The following RP1 variants were observed in gnomAD, a reference collection of about 807,000 sequenced individuals.
RP1 encodes the protein oxygen-regulated protein 1.
In RP1, 16 loss-of-function variants were observed where a neutral mutation model predicts 14.8. The observed-to-expected ratio is 1.08, with a 90% CI of 0.73 to 1.65. RP1 has a LOEUF of 1.65. Ranked by LOEUF, RP1 falls within the 40% of genes most tolerant of loss-of-function variation. The pLI is 0.00. For synonymous variants in RP1, 876 were observed against 883.6 expected (o/e 0.99, Z 0.15); for missense variants, 2,631 against 2,535.0 (o/e 1.04, Z -0.81).
intron 24 of RP1, among the ~76,000 whole-genome samples, chr8:54,803,983 G>T (rs536171131): frequency 1.3e-5 from 2 of 151,972 alleles, no homozygotes; most frequent in African/African-American, 4.8e-5. Context: ...CAGGAGGATC[G>T]CTTGAACCCA....
intron 25 of RP1, among the ~76,000 whole-genome samples, chr8:54,842,079 C>T (rs1407697365): frequency 6.6e-6 from 1 of 152,078 alleles, no homozygotes; most frequent in Non-Finnish European, 1.5e-5. Flanking sequence ...TTTTAGATAA[C>T]AACTGAGCTA....
At position 54,648,871 on chromosome 8, in the gene RP1, T is replaced by A. The variant is rs902801507; in HGVS notation, c.788-114T>A. ...TGTTATGGCACTTTTTCAGAGGAGA[T>A]GAAGAATAAGTTTTGTCTATCCTGA... On this transcript the variant is annotated intron_variant, in intron 3 of 22. Coordinates refer to the RP1 transcript ENST00000636932. The A allele has an allele frequency of 3.2e-4, 192 of 598,724 alleles. 1 individual carries two copies. The highest frequency in any genetic ancestry group is 3.1e-5 in the Non-Finnish European group (12 of 388,514). 37.1% of individuals were successfully genotyped at this position (598,724 alleles called of 1,614,324 possible). A position where few individuals can be genotyped will look rare whatever the true frequency, so the allele number is the denominator to read the frequency against.
At chr8:54,857,777 C>G (rs922825743) in intron 27 of RP1, among the ~76,000 whole-genome samples, 5 of 152,112 alleles carry the variant, frequency 3.3e-5, no homozygotes, top group African/African-American at 1.2e-4. Context: ...GCTTGAACAC[C>G]ATCCCTGATC....
chr8:54,850,354 AATTTTAAGTTCTCTTCTTACAT>A, intron 25 of RP1, among the ~76,000 whole-genome samples: 1 of 152,346 alleles, frequency 6.6e-6, no homozygotes, highest in Middle Eastern at 3.4e-3. Context: ...TATTCTAGCT[AATTTTAAGTTCTCTTCTTACAT>A]ATTTTAGACT....
intron 19 of RP1, among the ~76,000 whole-genome samples, chr8:54,741,525 T>C (rs1407769022): frequency 6.6e-6 from 1 of 151,878 alleles, no homozygotes; most frequent in Non-Finnish European, 1.5e-5. Flanking sequence ...AGCCTAGGTA[T>C]GTAGTAGGCT....
At chr8:54,596,235 T>C (rs529933649) in intron 1 of RP1, among the ~76,000 whole-genome samples, 2 of 152,372 alleles carry the variant, frequency 1.3e-5, no homozygotes, top group South Asian at 2.1e-4. Flanking sequence ...CAACAACTGA[T>C]GGAAATGTGA....
chr8:54,836,083 A>G (rs1585733802), intron 24 of RP1, among the ~76,000 whole-genome samples: 2 of 152,228 alleles, frequency 1.3e-5, no homozygotes, highest in African/African-American at 4.8e-5. Flanking sequence ...ATTCAGAACA[A>G]TTATCACCAA....
chr8:54,610,039 A>C (rs1310674282), intron 1 of RP1, among the ~76,000 whole-genome samples: 1 of 152,176 alleles, frequency 6.6e-6, no homozygotes, highest in Non-Finnish European at 1.5e-5. Context: ...TGCTGACTCC[A>C]ATCCCTCTCC....
intron 12 of RP1, among the ~76,000 whole-genome samples, chr8:54,693,460 T>C (rs1563349612): frequency 1.3e-5 from 2 of 152,262 alleles, no homozygotes. Flanking sequence ...GTATGGAATG[T>C]TCTTCCATTT....
intron 26 of RP1, among the ~76,000 whole-genome samples, chr8:54,856,170 G>A (rs1038453002): frequency 5.3e-5 from 8 of 152,168 alleles, no homozygotes; most frequent in Non-Finnish European, 1.0e-4. Flanking sequence ...TGAATCTCAC[G>A]TTGAATGACA....
chr8:54,670,706 T>TATAA (rs1283419569), intron 7 of RP1, among the ~76,000 whole-genome samples: 7 of 109,832 alleles, frequency 6.4e-5, no homozygotes, highest in Admixed American at 2.1e-4. Flanking sequence ...TATATATATA[T>TATAA]AAAACATTAA....
At chr8:54,696,633 T>C in intron 12 of RP1, 1 of 826,390 alleles carries the variant, frequency 1.2e-6, no homozygotes, top group Non-Finnish European at 2.0e-6. Context: ...CCTCATGCCT[T>C]AGAATTGCCA....
In RP1 at chr8:54,810,380, C is replaced by T. The variant is rs1585712005; in HGVS notation, c.3615+26670C>T. On this transcript the variant is annotated intron_variant, in intron 24 of 28. Transcript: ENST00000637698. ...TTTCCTTACACATGGCAGGTGATCA[C>T]TTTGTAAATAGATTTTTTAAGTCCC... is the stretch of plus-strand genomic sequence containing the variant. Among the ~76,000 whole-genome samples, 3 of 152,240 alleles carry T rather than the reference C, an allele frequency of 2.0e-5. No individual in the cohort carries two copies. In the East Asian group the frequency reaches 5.8e-4, roughly 29 times the overall value.
In RP1 at chr8:54,734,058, C is replaced by T. The variant is rs74993071; in HGVS notation, c.2522-487C>T. On this transcript the variant is annotated intron_variant, in intron 17 of 22. Coordinates refer to the RP1 transcript ENST00000636932. ...TCCAAATCCTTTCCATTGCCCACGC[C>T]AGTAAGGTATTTTTTAATTTTTTCA... Among the ~76,000 whole-genome samples the T allele has an allele frequency of 1.6e-3, 248 of 152,228 alleles. 1 individual carries two copies. The highest frequency in any genetic ancestry group is 0.011 in the East Asian group (58 of 5,176).
In RP1 at chr8:54,582,284, G is replaced by C. The variant is rs1175645432; in HGVS notation, c.-13+22964G>C. Among the ~76,000 whole-genome samples, 3 of 151,704 alleles carry C rather than the reference G, an allele frequency of 2.0e-5. No individual in the cohort carries two copies. The South Asian group carries it at 6.3e-4, about 32-fold the overall frequency. On this transcript the variant is annotated intron_variant, in intron 1 of 22. Coordinates refer to the RP1 transcript ENST00000636932. ...AATCCTTTCCCCATTTCTTGTTTTT[G>C]TCAGGTTTGTCAAAGATCAGATGGT... is the stretch of plus-strand genomic sequence containing the variant.
chr8:54,719,737 T>C (rs1808489956), intron 15 of RP1, among the ~76,000 whole-genome samples: 1 of 152,200 alleles, frequency 6.6e-6, no homozygotes, highest in Non-Finnish European at 1.5e-5. Flanking sequence ...TAAATGTAAA[T>C]TGACTTATGG....
At chr8:54,665,557 A>T (rs1177510325) in intron 7 of RP1, among the ~76,000 whole-genome samples, 1 of 152,166 alleles carries the variant, frequency 6.6e-6, no homozygotes, top group Non-Finnish European at 1.5e-5. Context: ...AGAAACTCAG[A>T]GCTGGAGTTT....
chr8:54,826,807 G>A (rs1464942193), intron 24 of RP1, among the ~76,000 whole-genome samples: 1 of 152,144 alleles, frequency 6.6e-6, no homozygotes, highest in Non-Finnish European at 1.5e-5. Context: ...TAATGATGGG[G>A]ATACCTTTGA....
At chr8:54,844,132 C>T (rs545178246) in intron 25 of RP1, among the ~76,000 whole-genome samples, 1 of 152,028 alleles carries the variant, frequency 6.6e-6, no homozygotes, top group East Asian at 1.9e-4. Context: ...AACTTTTTCC[C>T]GAGATGAAAG....
Sources: allele counts gnomAD v4.1 joint callset (sites outside exome capture counted in the v4.1 genomes callset), GRCh38; gene constraint gnomAD v4.1.1; transcripts MANE v1.5; gene names NCBI Gene and HGNC (gene_info 2026-07-23, HGNC 2026-07-21).